The following OCA2 variants were observed in gnomAD, a reference collection of about 807,000 sequenced individuals.
OCA2 encodes the protein OCA2 melanosomal transmembrane protein.
Under a neutral mutation model 100.2 loss-of-function variants are expected in OCA2, and 77 were observed. The ratio of observed to expected loss-of-function variants is 0.77; its 90% confidence interval spans 0.64 to 0.93. OCA2 has a LOEUF of 0.93. Ranked by LOEUF, OCA2 falls within the 40% of genes least tolerant of loss-of-function variation. The probability of loss-of-function intolerance (pLI) is 0.00; values close to 1 mark genes in which losing one functional copy is unlikely to be tolerated. For missense variants in OCA2, 1,062 were observed against 1,089.1 expected (o/e 0.98, Z 0.35); for synonymous variants, 432 against 439.2 (o/e 0.98, Z 0.21).
chr15:28,016,054 G>T, intron 8 of OCA2, 50 bp downstream of exon 8: 2 of 1,446,548 alleles, frequency 1.4e-6, no homozygotes, highest in Non-Finnish European at 1.9e-6. Flanking sequence ...TCCTTTAAAC[G>T]CACGTGTCCC....
At chr15:27,900,547 T>C (rs1288661534) in intron 19 of OCA2, among the ~76,000 whole-genome samples, 2 of 152,224 alleles carry the variant, frequency 1.3e-5, no homozygotes, top group Non-Finnish European at 2.9e-5. Context: ...GTGTCTCTTG[T>C]TTAAATTCTC....
At chr15:28,061,709 T>C (rs1043221467) in intron 2 of OCA2, among the ~76,000 whole-genome samples, 4 of 152,232 alleles carry the variant, frequency 2.6e-5, no homozygotes, top group African/African-American at 7.2e-5. Flanking sequence ...CCTCCAGAAC[T>C]ATGAGAAATA....
chr15:27,724,903 T>A, the OCA2 span, among the ~76,000 whole-genome samples: 1 of 151,618 alleles, frequency 6.6e-6, no homozygotes, highest in South Asian at 2.1e-4. Flanking sequence ...GAGTGACTAG[T>A]GAAAGAAGTG....
chr15:28,014,894 T>C lies in OCA2; in HGVS notation c.926A>G (p.Gln309Arg). ...CAAAAGAGGGACAGCCTGGGTCTGC[T>C]GCAGGGAGGCCCGGATGCTGATGGA... Reference protein sequence around the residue: ...TVSISIRASLQQTQAVPLLMA... With the variant: ...TVSISIRASLRQTQAVPLLMA... Residue 309 changes from glutamine to arginine, a missense_variant, in exon 9 of 24, where the codon CAG (glutamine) becomes CGG (arginine). By Grantham distance (43) the Gln-to-Arg change is conservative. Coordinates refer to ENST00000354638, the MANE Select transcript of OCA2 (RefSeq NM_000275.3). 1 of 1,614,174 alleles carries C rather than the reference T, an allele frequency of 6.2e-7. No homozygotes were observed. The highest frequency in any genetic ancestry group is 8.5e-7 in the Non-Finnish European group (1 of 1,180,030).
intron 19 of OCA2, among the ~76,000 whole-genome samples, chr15:27,888,476 T>C (rs1357163516): frequency 1.3e-5 from 2 of 152,138 alleles, no homozygotes; most frequent in Admixed American, 1.3e-4. Flanking sequence ...CACTGAGATA[T>C]ATCGGATGCT....
downstream of OCA2, among the ~76,000 whole-genome samples, chr15:27,751,212 T>C (rs1055908577): frequency 6.6e-5 from 10 of 152,214 alleles, no homozygotes; most frequent in Admixed American, 6.5e-4. Context: ...AAGTGACAAG[T>C]GCATTCTTGT....
chr15:27,755,611 G>A (rs1595357907), intron 23 of OCA2, 139 bp from the exon 24 acceptor site: 1 of 711,616 alleles, frequency 1.4e-6, no homozygotes, highest in East Asian at 2.7e-5. Flanking sequence ...CCATAAATCA[G>A]GAAGTTAGTT....
intron 16 of OCA2, 93 bp from the exon 17 acceptor site, chr15:27,955,308 C>A: frequency 2.2e-6 from 2 of 917,854 alleles, no homozygotes; most frequent in Non-Finnish European, 1.8e-6. Flanking sequence ...TGCCTGGACG[C>A]GGTCTGTGAC....
intron 23 of OCA2, among the ~76,000 whole-genome samples, chr15:27,792,806 C>G (rs755443216): frequency 5.3e-5 from 8 of 152,208 alleles, no homozygotes; most frequent in Non-Finnish European, 8.8e-5. Flanking sequence ...TAAAACTTAG[C>G]TGAGTTCCGT....
intron 9 of OCA2, among the ~76,000 whole-genome samples, chr15:28,012,948 A>G (rs914762527): frequency 2.0e-5 from 3 of 152,214 alleles, no homozygotes; most frequent in Non-Finnish European, 4.4e-5. Flanking sequence ...GCTCATTACT[A>G]AGAAAGTTGA....
At chr15:27,873,901 T>C (rs1418257120) in intron 19 of OCA2, among the ~76,000 whole-genome samples, 1 of 152,236 alleles carries the variant, frequency 6.6e-6, no homozygotes, top group South Asian at 2.1e-4. Context: ...TTTTACAGTA[T>C]GTGAAGTTTA....
At chr15:27,850,489 G>C (rs1441971886) in intron 22 of OCA2, among the ~76,000 whole-genome samples, 1 of 152,100 alleles carries the variant, frequency 6.6e-6, no homozygotes, top group Non-Finnish European at 1.5e-5. Flanking sequence ...TCCCGGGACT[G>C]GTTCTTAGGG....
At chr15:27,837,986 C>T (rs151307890) in intron 23 of OCA2, among the ~76,000 whole-genome samples, 11 of 152,196 alleles carry the variant, frequency 7.2e-5, no homozygotes, top group Non-Finnish European at 1.3e-4. Flanking sequence ...GAACTGACTC[C>T]GGCTGGCCAC....
At chr15:27,786,195 T>C (rs1427286706) in intron 23 of OCA2, among the ~76,000 whole-genome samples, 1 of 152,222 alleles carries the variant, frequency 6.6e-6, no homozygotes, top group Non-Finnish European at 1.5e-5. Context: ...CTTCATAGTA[T>C]GTTTTTAAAT....
At chr15:27,996,217 G>A (rs2041722127) in intron 9 of OCA2, among the ~76,000 whole-genome samples, 1 of 152,114 alleles carries the variant, frequency 6.6e-6, no homozygotes, top group Non-Finnish European at 1.5e-5. Context: ...AAATTTATGG[G>A]ACACAGCAAA....
chr15:27,983,222 CACTT>C, intron 14 of OCA2, 119 bp downstream of exon 14: 14 of 1,188,448 alleles, frequency 1.2e-5, no homozygotes, highest in Non-Finnish European at 1.6e-5. Flanking sequence ...TGCCCAGTAG[CACTT>C]ACTGTGAAGA....
intron 9 of OCA2, among the ~76,000 whole-genome samples, chr15:28,008,376 A>T (rs929913987): frequency 6.6e-6 from 1 of 152,242 alleles, no homozygotes; most frequent in East Asian, 1.9e-4. Context: ...TACTAATCCA[A>T]GCAAGCATTA....
At chr15:27,829,822 T>C (rs1466153965) in intron 23 of OCA2, among the ~76,000 whole-genome samples, 1 of 152,224 alleles carries the variant, frequency 6.6e-6, no homozygotes, top group Non-Finnish European at 1.5e-5. Context: ...CTGGAAAAAG[T>C]AGATTATGGA....
chr15:27,889,335 C>G (rs2037361056), intron 19 of OCA2, among the ~76,000 whole-genome samples: 1 of 152,142 alleles, frequency 6.6e-6, no homozygotes, highest in Non-Finnish European at 1.5e-5. Context: ...AATGTGGGAG[C>G]ATTTTCTCTT....
Sources: allele counts gnomAD v4.1 joint callset (sites outside exome capture counted in the v4.1 genomes callset), GRCh38; gene constraint gnomAD v4.1.1; transcripts MANE v1.5; gene names NCBI Gene and HGNC (gene_info 2026-07-23, HGNC 2026-07-21).